The following PIK3R3 variants were observed in gnomAD, a reference collection of about 807,000 sequenced individuals.
PIK3R3 encodes phosphoinositide-3-kinase regulatory subunit 3.
Under a neutral mutation model 62.9 loss-of-function variants are expected in PIK3R3, and 64 were observed. The observed-to-expected ratio is 1.02, with a 90% CI of 0.83 to 1.25. The LOEUF is 1.25. Among genes scored for constraint, PIK3R3 ranks in the 50% most tolerant of loss-of-function variants. The pLI, the probability that PIK3R3 is intolerant of heterozygous loss-of-function variation, is 0.00. For missense variants in PIK3R3, 614 were observed against 561.6 expected, an observed-to-expected ratio of 1.09 and a Z score of -0.94; for synonymous variants, 165 against 189.0, an observed-to-expected ratio of 0.87 and a Z score of 1.04.
the PIK3R3 span, among the ~76,000 whole-genome samples, chr1:46,147,599 T>G: frequency 6.6e-6 from 1 of 152,014 alleles, no homozygotes; most frequent in Non-Finnish European, 1.5e-5. Context: ...TTTTGTATTT[T>G]TAGTAGAGAC....
At chr1:46,161,346 C>T in the PIK3R3 span, among the ~76,000 whole-genome samples, 4 of 151,214 alleles carry the variant, frequency 2.6e-5, no homozygotes, top group Admixed American at 2.0e-4. Flanking sequence ...GATCCTCTTG[C>T]CTTGGCCTCC....
At chr1:46,170,515 G>C in the PIK3R3 span, among the ~76,000 whole-genome samples, 2 of 152,164 alleles carry the variant, frequency 1.3e-5, no homozygotes. Context: ...CTGCCTCCCA[G>C]GTTCAAGCGA....
At chr1:46,105,757 T>TG (rs1653143847) in intron 1 of PIK3R3, among the ~76,000 whole-genome samples, 1 of 125,634 alleles carries the variant, frequency 8.0e-6, no homozygotes, top group Non-Finnish European at 1.7e-5. Flanking sequence ...GGGGCTGGGG[T>TG]GGAAGGGGGA....
At chr1:46,093,600 ATGT>A (rs1651839253) in intron 1 of PIK3R3, among the ~76,000 whole-genome samples, 1 of 152,116 alleles carries the variant, frequency 6.6e-6, no homozygotes, top group Admixed American at 6.6e-5. Context: ...ATTATGTTAA[ATGT>A]TGTCAGCCAA....
At chr1:46,111,462 A>C (rs1653737406) in intron 1 of PIK3R3, among the ~76,000 whole-genome samples, 3 of 152,144 alleles carry the variant, frequency 2.0e-5, no homozygotes, top group Admixed American at 2.0e-4. Flanking sequence ...TGCAGTGCTC[A>C]TACCTGTAAC....
intron 1 of PIK3R3, among the ~76,000 whole-genome samples, chr1:46,085,847 T>C (rs1651000926): frequency 6.6e-6 from 1 of 152,202 alleles, no homozygotes; most frequent in Non-Finnish European, 1.5e-5. Context: ...TTTATTTCCA[T>C]TTAGTAGACA....
intron 1 of PIK3R3, among the ~76,000 whole-genome samples, chr1:46,103,989 G>A (rs1652955528): frequency 6.6e-6 from 1 of 151,704 alleles, no homozygotes; most frequent in Non-Finnish European, 1.5e-5. Context: ...GAAGTGACGT[G>A]ATCTCAGCTC....
At chr1:46,163,471 C>T in the PIK3R3 span, among the ~76,000 whole-genome samples, 1 of 152,162 alleles carries the variant, frequency 6.6e-6, no homozygotes, top group South Asian at 2.1e-4. Flanking sequence ...TTTTTGAGGT[C>T]CAAGGACACA....
At chr1:46,129,426 T>G (rs1395296140) in intron 1 of PIK3R3, among the ~76,000 whole-genome samples, 5 of 151,942 alleles carry the variant, frequency 3.3e-5, no homozygotes, top group East Asian at 3.9e-4. Context: ...TATTTATTTA[T>G]TTATTTATTT....
intron 6 of PIK3R3, among the ~76,000 whole-genome samples, chr1:46,057,827 A>G (rs1648075347): frequency 1.3e-5 from 2 of 152,248 alleles, no homozygotes; most frequent in South Asian, 4.1e-4. Context: ...AAAAATTTGC[A>G]GCCTGACAAT....
At chr1:46,063,091 T>TTA (rs1648667104) in intron 5 of PIK3R3, among the ~76,000 whole-genome samples, 1 of 152,206 alleles carries the variant, frequency 6.6e-6, no homozygotes, top group Non-Finnish European at 1.5e-5. Flanking sequence ...TGAACTCTAA[T>TTA]AAGGTTTGGT....
chr1:46,077,597 T>C lies in PIK3R3; in HGVS notation c.232A>G (p.Lys78Glu). 2 of 1,607,272 alleles carry C rather than the reference T, an allele frequency of 1.2e-6. No individual in the cohort carries two copies. The highest frequency in any genetic ancestry group is 8.5e-7 in the Non-Finnish European group (1 of 1,173,896). Residue 78 changes from lysine to glutamate, a missense_variant, in exon 3 of 10, where the codon AAA (lysine) becomes GAA (glutamate). Lys to Glu is a moderately conservative substitution (Grantham distance 56, BLOSUM62 1). Coordinates refer to ENST00000262741, the MANE Select transcript of PIK3R3 (RefSeq NM_003629.4). ...GTCCCATCTGGCATATCCCGCAATT[T>C]GTCATTTACCTCCTCCCTGAAGAAC... ...GDISREEVND[K>E]LRDMPDGTFL...
chr1:46,117,552 G>A (rs1654293158), intron 1 of PIK3R3, among the ~76,000 whole-genome samples: 1 of 152,084 alleles, frequency 6.6e-6, no homozygotes, highest in South Asian at 2.1e-4. Context: ...GTTGGCAACT[G>A]GATGTCAGAG....
chr1:46,138,077 A>G, the PIK3R3 span, among the ~76,000 whole-genome samples: 16 of 152,310 alleles, frequency 1.1e-4, no homozygotes, highest in East Asian at 3.9e-4. Context: ...CAAAATTCCA[A>G]GCAGTTTGTA....
At chr1:46,142,326 G>A in the PIK3R3 span, among the ~76,000 whole-genome samples, 1 of 152,214 alleles carries the variant, frequency 6.6e-6, no homozygotes, top group Non-Finnish European at 1.5e-5. Context: ...GACAGGGCCA[G>A]ATGAAAATAT....
intron 1 of PIK3R3, among the ~76,000 whole-genome samples, chr1:46,116,747 T>A (rs1040785544): frequency 1.3e-5 from 2 of 152,092 alleles, no homozygotes; most frequent in Admixed American, 1.3e-4. Context: ...AAGTGTCTTA[T>A]GTGTACTATT....
intron 1 of PIK3R3, among the ~76,000 whole-genome samples, chr1:46,125,293 G>C (rs1204461111): frequency 6.6e-6 from 1 of 151,862 alleles, no homozygotes; most frequent in Admixed American, 6.6e-5. Flanking sequence ...CAAAAAAACT[G>C]GCATGGCTTT....
chr1:46,167,949 A>C, the PIK3R3 span, among the ~76,000 whole-genome samples: 1 of 152,156 alleles, frequency 6.6e-6, no homozygotes, highest in Non-Finnish European at 1.5e-5. Flanking sequence ...TGAAATCAGG[A>C]GTTTGAGACC....
At chr1:46,062,165 A>C (rs756878015) in intron 5 of PIK3R3, 94 bp from the exon 6 acceptor site, 2 of 1,031,948 alleles carry the variant, frequency 1.9e-6, no homozygotes, top group Non-Finnish European at 2.8e-6. Flanking sequence ...TCCAGTTATT[A>C]ATGTAATCCC....
Sources: gnomAD v4.1 joint callset for allele counts (sites outside exome capture counted in the v4.1 genomes callset) on GRCh38, gnomAD v4.1.1 for gene constraint, MANE v1.5 for transcripts, NCBI Gene and HGNC (gene_info 2026-07-23, HGNC 2026-07-21) for gene names.